Variants in FRMD4A observed in about 807,000 individuals in gnomAD.
FRMD4A encodes the protein FERM domain containing 4A.
A neutral mutation model predicts 129.1 loss-of-function variants in FRMD4A; 29 were observed. That is an observed-to-expected ratio of 0.22 (90% confidence interval 0.17 to 0.31). The LOEUF (loss-of-function observed/expected upper bound fraction) is 0.31, where lower values mean the gene tolerates loss of function less well. Ranked by LOEUF, FRMD4A falls within the 10% of genes least tolerant of loss-of-function variation. The pLI is 1.00. For synonymous variants in FRMD4A, 634 were observed against 571.6 expected (o/e 1.11, Z -1.56); for missense variants, 1,272 against 1,375.8 (o/e 0.92, Z 1.19).
intron 3 of FRMD4A, among the ~76,000 whole-genome samples, chr10:13,833,082 T>C (rs1443303075): frequency 6.6e-6 from 1 of 152,206 alleles, no homozygotes; most frequent in Non-Finnish European, 1.5e-5. Context: ...CACCCACTCG[T>C]GCTGGGTAGG....
intron 12 of FRMD4A, among the ~76,000 whole-genome samples, chr10:13,721,607 C>T (rs2089417542): frequency 6.6e-6 from 1 of 152,196 alleles, no homozygotes. Context: ...TGTCAGATGG[C>T]ACTCCCACTA....
At chr10:13,880,933 A>G (rs547914320) in intron 2 of FRMD4A, among the ~76,000 whole-genome samples, 6 of 151,960 alleles carry the variant, frequency 3.9e-5, no homozygotes, top group African/African-American at 1.5e-4. Flanking sequence ...CTTCGAATGC[A>G]AGCTCCCCAG....
chr10:13,848,597 T>TGTGTGTGTGTAC (rs1425349200), intron 3 of FRMD4A, among the ~76,000 whole-genome samples: 2 of 105,028 alleles, frequency 1.9e-5, no homozygotes, highest in Non-Finnish European at 4.4e-5. Context: ...TGGGTGTGAG[T>TGTGTGTGTGTAC]GTGTGTGTGT....
At chr10:13,826,856 G>A (rs1376147258) in intron 3 of FRMD4A, among the ~76,000 whole-genome samples, 2 of 152,178 alleles carry the variant, frequency 1.3e-5, no homozygotes, top group East Asian at 1.9e-4. Context: ...AAAGTCAGGC[G>A]AGCAAGGATG....
At chr10:14,155,987 A>C (rs1021696458) in intron 2 of FRMD4A, among the ~76,000 whole-genome samples, 1 of 152,202 alleles carries the variant, frequency 6.6e-6, no homozygotes, top group Non-Finnish European at 1.5e-5. Context: ...AATATAGTAA[A>C]TGTTAGGACA....
chr10:14,124,591 T>C (rs1357468716), intron 2 of FRMD4A, among the ~76,000 whole-genome samples: 2 of 152,042 alleles, frequency 1.3e-5, no homozygotes, highest in Non-Finnish European at 2.9e-5. Context: ...CAGGAGAATC[T>C]CGTGAACCCA....
rs188329223 is a variant in FRMD4A, at chr10:13,774,285, G to A, written c.384+8637C>T. On this transcript the variant is annotated intron_variant, in intron 6 of 24. Transcript: ENST00000357447. ...GAAGGGAAGAGAAAGTGAGAGGGGC[G>A]TCTGCTGTGGCCATGCCTCCTGCCT... Among the ~76,000 whole-genome samples, 11 of 152,294 alleles carry A rather than the reference G, an allele frequency of 7.2e-5. No homozygotes were observed. The East Asian group carries it at 1.5e-3, about 21-fold the overall frequency.
chr10:13,976,484 G>A (rs535198954), intron 2 of FRMD4A, among the ~76,000 whole-genome samples: 9 of 152,234 alleles, frequency 5.9e-5, no homozygotes, highest in African/African-American at 2.2e-4. Context: ...CTATCTCGGA[G>A]TTTCTGTGTT....
chr10:13,962,248 T>G (rs1332350486), intron 2 of FRMD4A, among the ~76,000 whole-genome samples: 1 of 152,182 alleles, frequency 6.6e-6, no homozygotes, highest in East Asian at 1.9e-4. Context: ...GCTGTTGAGA[T>G]CTCTCCCCAG....
At chr10:14,206,768 C>CTACA (rs1842792005) in intron 2 of FRMD4A, among the ~76,000 whole-genome samples, 1 of 125,958 alleles carries the variant, frequency 7.9e-6, no homozygotes, top group South Asian at 2.7e-4. Flanking sequence ...GATCGCGCCA[C>CTACA]TACACTCCAG....
At chr10:14,297,136 C>A (rs1456649303) in intron 2 of FRMD4A, among the ~76,000 whole-genome samples, 1 of 128,920 alleles carries the variant, frequency 7.8e-6, no homozygotes, top group Non-Finnish European at 1.7e-5. Flanking sequence ...TTCTCTTTCT[C>A]ATTTTTTTTT....
At chr10:14,238,566 G>A (rs1843915850) in intron 2 of FRMD4A, among the ~76,000 whole-genome samples, 2 of 152,116 alleles carry the variant, frequency 1.3e-5, no homozygotes, top group East Asian at 3.9e-4. Context: ...TGCAGAACGT[G>A]CAGGTTTGTT....
At chr10:14,023,109 T>C (rs1832834357) in intron 2 of FRMD4A, among the ~76,000 whole-genome samples, 1 of 151,850 alleles carries the variant, frequency 6.6e-6, no homozygotes, top group African/African-American at 2.4e-5. Flanking sequence ...TACTCATACT[T>C]CTCATAAAGT....
At chr10:13,990,061 C>T (rs1159178260) in intron 2 of FRMD4A, among the ~76,000 whole-genome samples, 1 of 152,166 alleles carries the variant, frequency 6.6e-6, no homozygotes, top group East Asian at 1.9e-4. Flanking sequence ...GGTTCAAACC[C>T]TGGATCTGCC....
At chr10:14,171,663 A>G (rs1423399115) in intron 2 of FRMD4A, among the ~76,000 whole-genome samples, 2 of 152,244 alleles carry the variant, frequency 1.3e-5, no homozygotes, top group Non-Finnish European at 2.9e-5. Context: ...AAAATGCATT[A>G]AGCACCCATG....
At chr10:13,791,834 G>T (rs934737708) in intron 5 of FRMD4A, among the ~76,000 whole-genome samples, 1 of 152,328 alleles carries the variant, frequency 6.6e-6, no homozygotes, top group East Asian at 1.9e-4. Flanking sequence ...ACAGCTCAGG[G>T]TGATGACCAG....
intron 2 of FRMD4A, among the ~76,000 whole-genome samples, chr10:14,067,139 A>T (rs1170063361): frequency 1.3e-5 from 2 of 151,880 alleles, no homozygotes; most frequent in Non-Finnish European, 2.9e-5. Context: ...AACATGGTGA[A>T]ACCCCGTCTC....
intron 2 of FRMD4A, among the ~76,000 whole-genome samples, chr10:14,067,438 T>C (rs909314002): frequency 1.3e-5 from 2 of 152,064 alleles, no homozygotes; most frequent in Non-Finnish European, 1.5e-5. Flanking sequence ...AAGCTAAACA[T>C]AGAACAATCG....
chr10:13,934,072 C>T lies in FRMD4A; in HGVS notation c.46-75160G>A, dbSNP rs186120432. Among the ~76,000 whole-genome samples the T allele has an allele frequency of 4.8e-3, 726 of 152,304 alleles. 9 individuals carry two copies. The highest frequency in any genetic ancestry group is 0.016 in the African/African-American group (676 of 41,564). ...AAAAGAAGTGATCAGAAAAGCACTA[C>T]AGGATTTGGCAAGCACCCTGGAAAA... On this transcript the variant is annotated intron_variant, in intron 2 of 24. Transcript: ENST00000357447.
Sources: gnomAD v4.1 joint callset for allele counts (sites outside exome capture counted in the v4.1 genomes callset) on GRCh38, gnomAD v4.1.1 for gene constraint, MANE v1.5 for transcripts, NCBI Gene and HGNC (gene_info 2026-07-23, HGNC 2026-07-21) for gene names.